The following BPI variants were observed in gnomAD, a reference collection of about 807,000 sequenced individuals.
BPI encodes bactericidal permeability increasing protein.
In BPI, 48 loss-of-function variants were observed where a neutral mutation model predicts 57.6. The observed-to-expected ratio is 0.83, with a 90% confidence interval of 0.66 to 1.06. BPI has a LOEUF of 1.06. Among genes scored for constraint, BPI ranks in the 50% least tolerant of loss-of-function variants. BPI has a pLI of 0.00. For missense variants in BPI, 651 were observed against 609.7 expected (o/e 1.07, Z -0.71); for synonymous variants, 237 against 238.2 (o/e 0.99, Z 0.05).
Position 38,337,217 on chromosome 20 carries a change from A to G in BPI, c.*33A>G. ...AGGGGTGCCGGGGGCTGTCAGCCACACCTGTTCCTGATGGGCTGTGGGGCA... is the reference window on the plus strand; with the variant it reads ...AGGGGTGCCGGGGGCTGTCAGCCACGCCTGTTCCTGATGGGCTGTGGGGCA... On this transcript the variant is annotated 3_prime_UTR_variant, in exon 15 of 15. Transcript: ENST00000642449. 6.4e-7 allele frequency: 1 copy of G among 1,559,806 alleles called. No homozygotes were observed. The highest frequency in any genetic ancestry group is 8.7e-7 in the Non-Finnish European group (1 of 1,153,168).
rs954042070 is a variant in BPI, at chr20:38,318,486, G to T, written c.664+10G>T. On this transcript the variant is annotated intron_variant, in intron 6 of 14. Coordinates refer to ENST00000642449, the MANE Select transcript of BPI (RefSeq NM_001725.3). The stretch of plus-strand genomic sequence containing the variant: ...TTCCAGACTCTGCCAGGTGAGGGCT[G>T]GATGAAGATCAAGGATAGAAAGGAA... 1 of 1,610,760 alleles carries T rather than the reference G, an allele frequency of 6.2e-7. No individual in the cohort carries two copies. The highest frequency in any genetic ancestry group is 8.5e-7 in the Non-Finnish European group (1 of 1,176,946).
chr20:38,331,429 A>T (rs2076742105), intron 12 of BPI, among the ~76,000 whole-genome samples: 1 of 152,170 alleles, frequency 6.6e-6, no homozygotes, highest in South Asian at 2.1e-4. Context: ...GAACAAATGA[A>T]TTACTTTATT....
chr20:38,308,785 T>A (rs890126210), intron 2 of BPI, 145 bp from the exon 3 acceptor site: 1 of 1,142,778 alleles, frequency 8.8e-7, no homozygotes, highest in Non-Finnish European at 1.2e-6. Flanking sequence ...CCAAGCCTGC[T>A]TTCTTAGCTT....
intron 10 of BPI, among the ~76,000 whole-genome samples, chr20:38,327,260 C>T (rs1233612848): frequency 6.6e-6 from 1 of 152,194 alleles, no homozygotes; most frequent in South Asian, 2.1e-4. Context: ...AGGTGGGAAC[C>T]GGGGACTTCC....
rs1568814921 is a variant in BPI, at chr20:38,321,161, AT to A, written c.756+888del. ...TATTGGTGGATGGATGGATGGATGGATGGATGGATGGATGGATGGATGGATA... is the reference window on the plus strand; with the variant it reads ...TATTGGTGGATGGATGGATGGATGGAGGATGGATGGATGGATGGATGGATA... On this transcript the variant is annotated intron_variant, in intron 7 of 14. Coordinates refer to ENST00000642449, the MANE Select transcript of BPI (RefSeq NM_001725.3). Among the ~76,000 whole-genome samples the A allele has an allele frequency of 6.4e-3, 753 of 117,734 alleles. 9 individuals are homozygous for A. The highest frequency in any genetic ancestry group is 0.022 in the African/African-American group (673 of 29,946). The allele number at this position is 117,734 out of a possible 152,430, so 77.2% of individuals were successfully genotyped here.
At position 38,337,282 on chromosome 20, in the gene BPI, C is replaced by T; in HGVS notation, c.*98C>T. On this transcript the variant is annotated 3_prime_UTR_variant, in exon 15 of 15. Coordinates refer to ENST00000642449, the MANE Select transcript of BPI (RefSeq NM_001725.3). ...CCAGGGAATCCTCTCCAGATCTTAACCAAGAGCCCCTTGCAAACTTCTTCG... is the reference window on the plus strand; with the variant it reads ...CCAGGGAATCCTCTCCAGATCTTAATCAAGAGCCCCTTGCAAACTTCTTCG... 8.7e-6 allele frequency: 9 copies of T among 1,040,002 alleles called. No homozygotes were observed. Among genetic ancestry groups the T allele is most frequent in the South Asian group, 1.5e-5 (1 of 65,812 alleles). The allele number at this position is 1,040,002 out of a possible 1,614,324, so 64.4% of individuals were successfully genotyped here.
chr20:38,317,801 C>T, intron 5 of BPI: 1 of 1,481,694 alleles, frequency 6.7e-7, no homozygotes, highest in East Asian at 2.5e-5. Flanking sequence ...GAACAACTTC[C>T]TCAGTGTCAA....
intron 5 of BPI, 43 bp downstream of exon 5, chr20:38,311,980 G>T: frequency 6.3e-7 from 1 of 1,591,106 alleles, no homozygotes; most frequent in Non-Finnish European, 8.6e-7. Context: ...GAGGAGAAGG[G>T]CCCTTAGTAA....
chr20:38,334,377 C>T lies in BPI; in HGVS notation c.1273-53C>T, dbSNP rs2275955. On this transcript the variant is annotated intron_variant, in intron 12 of 14. Transcript: ENST00000642449. The stretch of plus-strand genomic sequence containing the variant: ...GTGGGGTGATGAGGACTGCTGGACC[C>T]GCAAGGTTCTGGCGATGCAGGGCCA... 0.033 allele frequency: 50,583 copies of T among 1,543,444 alleles called. 3,747 individuals are homozygous for T. The East Asian group carries it at 0.37, about 11-fold the overall frequency.
chr20:38,333,308 G>A (rs552664588), intron 12 of BPI, among the ~76,000 whole-genome samples: 3 of 151,910 alleles, frequency 2.0e-5, no homozygotes, highest in African/African-American at 7.2e-5. Context: ...TGAGGCCAGG[G>A]AATAACAGGC....
chr20:38,328,777 G>A (rs1020791288), intron 11 of BPI, among the ~76,000 whole-genome samples: 3 of 151,746 alleles, frequency 2.0e-5, no homozygotes, highest in Admixed American at 6.6e-5. Context: ...TGGGAGGATC[G>A]CCTGAGCCCA....
intron 5 of BPI, among the ~76,000 whole-genome samples, chr20:38,316,041 C>T (rs2076650445): frequency 6.6e-6 from 1 of 152,032 alleles, no homozygotes; most frequent in Non-Finnish European, 1.5e-5. Flanking sequence ...ACCATGTTGG[C>T]CAGGCTGGTC....
At position 38,320,187 on chromosome 20, in the gene BPI, G is replaced by T; in HGVS notation, c.669G>T (p.Met223Ile). ...LQPYFQTLPV[M>I]TKIDSVAGIN... Reference sequence around the variant, plus strand: ...GTCCATTTTCTTTCTCTCTAGTAATGACCAAAATAGATTCTGTGGCTGGAA... The same window carrying T: ...GTCCATTTTCTTTCTCTCTAGTAATTACCAAAATAGATTCTGTGGCTGGAA... Residue 223 changes from methionine to isoleucine, a missense_variant, in exon 7 of 15, where the codon ATG becomes ATT. Physicochemically the swap from Met to Ile is conservative, Grantham distance 10. Coordinates refer to ENST00000642449, the MANE Select transcript of BPI (RefSeq NM_001725.3). 1 of 1,613,870 alleles carries T rather than the reference G, an allele frequency of 6.2e-7. No homozygotes were observed. Among genetic ancestry groups the T allele is most frequent in the South Asian group, 1.1e-5 (1 of 91,038 alleles).
intron 1 of BPI, among the ~76,000 whole-genome samples, chr20:38,305,030 C>T (rs1568806840): frequency 6.6e-6 from 1 of 152,218 alleles, no homozygotes; most frequent in Non-Finnish European, 1.5e-5. Flanking sequence ...GCCTGATGCC[C>T]CAGCACGGGG....
intron 10 of BPI, 114 bp from the exon 11 acceptor site, chr20:38,327,474 C>G: frequency 8.6e-7 from 1 of 1,160,126 alleles, no homozygotes; most frequent in South Asian, 1.3e-5. Context: ...GGGCCTGACC[C>G]CACAGTGTAT....
intron 7 of BPI, among the ~76,000 whole-genome samples, chr20:38,320,685 C>T (rs2122529487): frequency 6.6e-6 from 1 of 151,544 alleles, no homozygotes; most frequent in East Asian, 2.0e-4. Context: ...CACACACACA[C>T]ACACACACAC....
In BPI at chr20:38,330,002, C is replaced by T. The variant is rs7263187; in HGVS notation, c.1230-1046C>T. Among the ~76,000 whole-genome samples the T allele has an allele frequency of 2.4e-3, 362 of 152,230 alleles. 4 individuals are homozygous for T. The highest frequency in any genetic ancestry group is 8.3e-3 in the African/African-American group (344 of 41,538). On this transcript the variant is annotated intron_variant, in intron 11 of 14. Transcript: ENST00000642449. ...TGCTGGGATTACAGGCATGATTCACCGTGCCTGGCCAAAACTCTGCTTTAT... is the reference window on the plus strand; with the variant it reads ...TGCTGGGATTACAGGCATGATTCACTGTGCCTGGCCAAAACTCTGCTTTAT...
chr20:38,334,597 C>A, intron 13 of BPI, 104 bp downstream of exon 13: 1 of 1,155,102 alleles, frequency 8.7e-7, no homozygotes, highest in Non-Finnish European at 1.3e-6. Flanking sequence ...GAGGGCTGGG[C>A]AGTGGTGATG....
intron 6 of BPI, among the ~76,000 whole-genome samples, chr20:38,319,330 CA>C (rs1413304886): frequency 2.6e-5 from 4 of 152,212 alleles, no homozygotes; most frequent in African/African-American, 9.6e-5. Flanking sequence ...CATCAAGAGG[CA>C]GAAGAAAGAT....
Sources: allele counts gnomAD v4.1 joint callset (sites outside exome capture counted in the v4.1 genomes callset), GRCh38; gene constraint gnomAD v4.1.1; transcripts MANE v1.5; gene names NCBI Gene and HGNC (gene_info 2026-07-23, HGNC 2026-07-21).